Variants in MAD1L1 observed in about 807,000 individuals in gnomAD.
The protein encoded by MAD1L1 is mitotic spindle assembly checkpoint protein MAD1.
Under a neutral mutation model 96.9 loss-of-function variants are expected in MAD1L1, and 95 were observed. That is an observed-to-expected ratio of 0.98 (90% confidence interval 0.83 to 1.16). MAD1L1 has a LOEUF of 1.16. Among genes scored for constraint, MAD1L1 ranks in the 50% most tolerant of loss-of-function variants. The pLI, the probability that MAD1L1 is intolerant of heterozygous loss-of-function variation, is 0.00. For missense variants in MAD1L1, 1,007 were observed against 954.4 expected (o/e 1.06, Z -0.73); for synonymous variants, 473 against 396.6 (o/e 1.19, Z -2.29).
chr7:1,875,617 CA>C (rs1785346185), intron 18 of MAD1L1, among the ~76,000 whole-genome samples: 1 of 152,212 alleles, frequency 6.6e-6, no homozygotes, highest in African/African-American at 2.4e-5. Context: ...GCAAGGTTCC[CA>C]GCAAAAGAGA....
intron 11 of MAD1L1, among the ~76,000 whole-genome samples, chr7:2,131,527 TCCCCGACGAGCTTGTCAGTC>T (rs1333355550): frequency 6.6e-6 from 1 of 152,166 alleles, no homozygotes; most frequent in Non-Finnish European, 1.5e-5. Flanking sequence ...CTGCTTCTGT[TCCCCGACGAGCTTGTCAGTC>T]CCAGGGGACC....
chr7:1,854,381 G>T (rs1368893741), intron 18 of MAD1L1: 1 of 470,764 alleles, frequency 2.1e-6, no homozygotes, highest in Non-Finnish European at 4.2e-6. Context: ...AGCCTGTATT[G>T]GTCCACTCGG....
intron 13 of MAD1L1, among the ~76,000 whole-genome samples, chr7:2,005,862 C>G (rs902648398): frequency 2.0e-5 from 3 of 152,186 alleles, no homozygotes; most frequent in African/African-American, 7.2e-5. Flanking sequence ...CCGGCTGCAT[C>G]TTCCCAAATG....
intron 11 of MAD1L1, among the ~76,000 whole-genome samples, chr7:2,074,717 G>T (rs981870443): frequency 6.6e-6 from 1 of 152,258 alleles, no homozygotes; most frequent in African/African-American, 2.4e-5. Flanking sequence ...GCAAAGTAGG[G>T]CTCAGAGAAG....
At chr7:2,132,026 C>T (rs1788533452) in intron 11 of MAD1L1, among the ~76,000 whole-genome samples, 1 of 152,238 alleles carries the variant, frequency 6.6e-6, no homozygotes, top group Non-Finnish European at 1.5e-5. Context: ...AGCGTGGTCC[C>T]TCTCTTCTCC....
At chr7:1,923,016 A>ATGCT (rs1227278219) in intron 17 of MAD1L1, among the ~76,000 whole-genome samples, 1 of 152,166 alleles carries the variant, frequency 6.6e-6, no homozygotes, top group Non-Finnish European at 1.5e-5. Context: ...GTTGGGGTAA[A>ATGCT]TGCTTGCTTC....
At chr7:1,933,517 C>T (rs996192130) in intron 17 of MAD1L1, among the ~76,000 whole-genome samples, 2 of 152,208 alleles carry the variant, frequency 1.3e-5, no homozygotes, top group African/African-American at 4.8e-5. Context: ...CAGCCCTCTC[C>T]AGAGCAGCGG....
chr7:1,980,410 G>GCCACA (rs1780844024), intron 15 of MAD1L1, 43 bp downstream of exon 15: 2 of 1,510,108 alleles, frequency 1.3e-6, no homozygotes, highest in South Asian at 1.2e-5. Flanking sequence ...TCCTCTCTGG[G>GCCACA]GGACACACCT....
At chr7:2,061,527 G>T (rs897230333) in intron 12 of MAD1L1, among the ~76,000 whole-genome samples, 2 of 152,182 alleles carry the variant, frequency 1.3e-5, no homozygotes, top group Admixed American at 6.5e-5. Flanking sequence ...CCCCACCAGG[G>T]AGAAAACCAA....
chr7:1,840,967 C>G (rs1481659753), intron 18 of MAD1L1, among the ~76,000 whole-genome samples: 3 of 152,334 alleles, frequency 2.0e-5, no homozygotes, highest in African/African-American at 7.2e-5. Context: ...GCCAGGTGGT[C>G]CCCGTGCGTT....
chr7:1,993,216 G>A (rs1467666518), intron 14 of MAD1L1, among the ~76,000 whole-genome samples: 3 of 152,196 alleles, frequency 2.0e-5, no homozygotes, highest in East Asian at 3.9e-4. Context: ...GCAGACAGCA[G>A]TGACATGCAG....
At chr7:2,155,056 G>A (rs1419413376) in intron 10 of MAD1L1, among the ~76,000 whole-genome samples, 1 of 152,196 alleles carries the variant, frequency 6.6e-6, no homozygotes, top group East Asian at 1.9e-4. Flanking sequence ...CTTGCACGGA[G>A]AAGCAGCACG....
rs781273343 is a variant in MAD1L1 at position 2,069,224 on chromosome 7, C to G, written c.1188G>C (p.Arg396Ser). The G allele has an allele frequency of 6.2e-7, 1 of 1,606,426 alleles. No individual in the cohort carries two copies. The highest frequency in any genetic ancestry group is 8.5e-7 in the Non-Finnish European group (1 of 1,176,952). Reference protein sequence around the residue: ...KRETHEALARRLQKRVLLLTK... With the variant: ...KRETHEALARSLQKRVLLLTK... ...TGAGCAGCAGGACCCGTTTCTGGAG[C>G]CTCCGGGCCAGCGCCTCGTGGGTCT... Residue 396 changes from arginine (R) to serine (S), a missense_variant, in exon 12 of 19, where the codon AGG becomes AGC. Transcript: ENST00000265854.
intron 11 of MAD1L1, among the ~76,000 whole-genome samples, chr7:2,087,949 C>G (rs995373673): frequency 6.6e-6 from 1 of 152,170 alleles, no homozygotes; most frequent in Non-Finnish European, 1.5e-5. Flanking sequence ...ACAGCCGGTG[C>G]CTCTGAGAAG....
intron 14 of MAD1L1, among the ~76,000 whole-genome samples, chr7:1,993,924 C>T (rs1781450596): frequency 6.6e-6 from 1 of 152,218 alleles, no homozygotes. Flanking sequence ...AGCCCTGGGT[C>T]CTGTCCTGGT....
chr7:2,175,409 C>T (rs759916538), intron 10 of MAD1L1: 1 of 149,516 alleles, frequency 6.7e-6, no homozygotes, highest in South Asian at 2.1e-4. Context: ...CAGCTAAGTC[C>T]ATCACCAACT....
At chr7:2,057,394 G>C (rs754233613) in intron 12 of MAD1L1, among the ~76,000 whole-genome samples, 1 of 152,202 alleles carries the variant, frequency 6.6e-6, no homozygotes, top group Non-Finnish European at 1.5e-5. Context: ...GTGTGCACCT[G>C]TAGTCCCAGC....
At chr7:1,884,900 C>G (rs1785915596) in intron 18 of MAD1L1, among the ~76,000 whole-genome samples, 1 of 152,238 alleles carries the variant, frequency 6.6e-6, no homozygotes, top group African/African-American at 2.4e-5. Context: ...CTTGGGGCAG[C>G]TGCTCTGGGG....
intron 12 of MAD1L1, among the ~76,000 whole-genome samples, chr7:2,020,269 C>T (rs1040908292): frequency 2.0e-5 from 3 of 152,176 alleles, no homozygotes; most frequent in Non-Finnish European, 4.4e-5. Flanking sequence ...GGGGCACTAA[C>T]CCCCGCTCTG....
Sources: allele counts gnomAD v4.1 joint callset (sites outside exome capture counted in the v4.1 genomes callset), GRCh38; gene constraint gnomAD v4.1.1; transcripts MANE v1.5; gene names NCBI Gene and HGNC (gene_info 2026-07-23, HGNC 2026-07-21).